NSUN6: variants seen among roughly 807,000 people sequenced by gnomAD.
The protein encoded by NSUN6 is tRNA (cytosine(72)-C(5))-methyltransferase NSUN6.
A neutral mutation model predicts 58.0 loss-of-function variants in NSUN6; 64 were observed. The ratio of observed to expected loss-of-function variants is 1.10; its 90% CI spans 0.90 to 1.36. The LOEUF is 1.36. Among genes scored for constraint, NSUN6 ranks in the 40% most tolerant of loss-of-function variants. NSUN6 has a pLI of 0.00. For synonymous variants in NSUN6, 231 were observed against 193.9 expected, an observed-to-expected ratio of 1.19 and a Z score of -1.59; for missense variants, 701 against 550.1, an observed-to-expected ratio of 1.27 and a Z score of -2.74.
chr10:18,578,231 A>ATT (rs71402184), intron 8 of NSUN6, among the ~76,000 whole-genome samples: 25,726 of 120,708 alleles, frequency 0.21, 3,283 homozygotes, highest in East Asian at 0.34. Context: ...CTCTAAGCCT[A>ATT]TTTTTTTTTT....
chr10:18,563,530 G>A (rs1330719657), intron 8 of NSUN6, among the ~76,000 whole-genome samples: 3 of 150,334 alleles, frequency 2.0e-5, no homozygotes, highest in African/African-American at 7.3e-5. Flanking sequence ...AGAATGGAGA[G>A]TGGAATGGAG....
At chr10:18,580,709 C>T (rs1393289173) in intron 8 of NSUN6, among the ~76,000 whole-genome samples, 2 of 152,206 alleles carry the variant, frequency 1.3e-5, no homozygotes, top group African/African-American at 4.8e-5. Flanking sequence ...AAACAAACCA[C>T]TGCCCTGCCC....
intron 9 of NSUN6, 86 bp from the exon 10 acceptor site, chr10:18,548,323 T>C: frequency 8.5e-7 from 1 of 1,179,496 alleles, no homozygotes; most frequent in South Asian, 1.6e-5. Flanking sequence ...ATAATGTCTT[T>C]CAAATGTTTG....
At chr10:18,558,012 G>C (rs2055176884) in intron 8 of NSUN6, among the ~76,000 whole-genome samples, 2 of 150,956 alleles carry the variant, frequency 1.3e-5, no homozygotes, top group South Asian at 4.2e-4. Flanking sequence ...GGACATGAAT[G>C]GAGAATGAAA....
intron 8 of NSUN6, among the ~76,000 whole-genome samples, chr10:18,554,505 GAATC>G (rs1280252758): frequency 6.6e-6 from 1 of 151,648 alleles, no homozygotes; most frequent in African/African-American, 2.4e-5. Context: ...GAATGGAATG[GAATC>G]AATCGGAACG....
chr10:18,610,930 A>T (rs768555955), intron 5 of NSUN6, among the ~76,000 whole-genome samples: 5 of 152,200 alleles, frequency 3.3e-5, no homozygotes, highest in Admixed American at 6.5e-5. Flanking sequence ...TTAAGCCGGC[A>T]CAGTGGCTTA....
intron 3 of NSUN6, among the ~76,000 whole-genome samples, chr10:18,623,879 T>C (rs1276763084): frequency 2.6e-5 from 4 of 152,112 alleles, no homozygotes; most frequent in Admixed American, 6.5e-5. Context: ...CAGAGAAGAT[T>C]TGCAGTACTT....
intron 8 of NSUN6, among the ~76,000 whole-genome samples, chr10:18,554,122 T>C (rs192070214): frequency 1.4e-5 from 2 of 145,362 alleles, no homozygotes; most frequent in South Asian, 2.2e-4. Context: ...GAGAAGGGAA[T>C]AGAATTGAAT....
At chr10:18,589,511 A>G (rs2057299073) in intron 7 of NSUN6, among the ~76,000 whole-genome samples, 1 of 152,222 alleles carries the variant, frequency 6.6e-6, no homozygotes, top group African/African-American at 2.4e-5. Flanking sequence ...CCAGAAAGGA[A>G]GGTCAGGTCA....
rs573011080 is a variant in NSUN6, at chr10:18,555,925, T to G, written c.923-3954A>C. Among the ~76,000 whole-genome samples, 246 of 140,406 alleles carry G rather than the reference T, an allele frequency of 1.8e-3. 3 individuals are homozygous for G. Among genetic ancestry groups the G allele is most frequent in the African/African-American group, 6.2e-3 (237 of 38,038 alleles). 92.1% of individuals were successfully genotyped at this position (140,406 alleles called of 152,430 possible). ...GAATGGAGAATGGAATGGAATGGAATGGAATGGAGAATGGAAGGGAATGGA... is the reference window on the plus strand; with the variant it reads ...GAATGGAGAATGGAATGGAATGGAAGGGAATGGAGAATGGAAGGGAATGGA... On this transcript the variant is annotated intron_variant, in intron 8 of 10. Coordinates refer to ENST00000377304, the MANE Select transcript of NSUN6 (RefSeq NM_182543.5).
At chr10:18,647,769 C>G (rs775065166) in intron 2 of NSUN6, among the ~76,000 whole-genome samples, 6 of 123,122 alleles carry the variant, frequency 4.9e-5, no homozygotes, top group Non-Finnish European at 1.6e-5. Flanking sequence ...GAGTCTCATT[C>G]CATCGCCCAG....
chr10:18,622,806 A>G (rs2058659257), intron 3 of NSUN6, among the ~76,000 whole-genome samples: 1 of 152,364 alleles, frequency 6.6e-6, no homozygotes. Flanking sequence ...TACATATTCA[A>G]TTGTGAAAGA....
intron 8 of NSUN6, among the ~76,000 whole-genome samples, 163 bp from the exon 9 acceptor site, chr10:18,552,134 A>T (rs1410652732): frequency 6.6e-6 from 1 of 151,750 alleles, no homozygotes; most frequent in Non-Finnish European, 1.5e-5. Flanking sequence ...CTTATACCTA[A>T]TACAGATTTG....
intron 3 of NSUN6, among the ~76,000 whole-genome samples, chr10:18,628,878 C>T (rs978823647): frequency 3.9e-5 from 6 of 152,120 alleles, no homozygotes; most frequent in African/African-American, 1.4e-4. Flanking sequence ...GGCAGGCCAA[C>T]ATTCAGATTC....
chr10:18,558,026 A>G (rs2055178085), intron 8 of NSUN6, among the ~76,000 whole-genome samples: 1 of 151,408 alleles, frequency 6.6e-6, no homozygotes. Flanking sequence ...AATGAAATGA[A>G]ATAGAATGGA....
intron 6 of NSUN6, 55 bp downstream of exon 6, chr10:18,609,781 TTTCAAATAA>T: frequency 1.1e-6 from 1 of 898,246 alleles, no homozygotes; most frequent in East Asian, 2.6e-5. Flanking sequence ...ATATCCTAGA[TTTCAAATAA>T]TTCACTGATG....
intron 8 of NSUN6, among the ~76,000 whole-genome samples, chr10:18,575,736 T>C (rs758817343): frequency 6.6e-6 from 1 of 152,222 alleles, no homozygotes; most frequent in African/African-American, 2.4e-5. Context: ...CACGGAAAGA[T>C]ACTGGTCTTT....
chr10:18,619,447 G>T (rs1564810136), intron 3 of NSUN6, among the ~76,000 whole-genome samples: 1 of 152,112 alleles, frequency 6.6e-6, no homozygotes, highest in Non-Finnish European at 1.5e-5. Flanking sequence ...ACACTTAATT[G>T]TTTAAACCAA....
chr10:18,613,396 C>T (rs1219395627), intron 5 of NSUN6, among the ~76,000 whole-genome samples: 1 of 152,158 alleles, frequency 6.6e-6, no homozygotes, highest in Non-Finnish European at 1.5e-5. Flanking sequence ...CACGCCCGGC[C>T]AAAGGGTGGC....
Sources: gnomAD v4.1 joint callset for allele counts (sites outside exome capture counted in the v4.1 genomes callset) on GRCh38, gnomAD v4.1.1 for gene constraint, MANE v1.5 for transcripts, NCBI Gene and HGNC (gene_info 2026-07-23, HGNC 2026-07-21) for gene names.